CLEC2B: variants seen among roughly 807,000 people sequenced by gnomAD.
CLEC2B encodes the protein C-type lectin domain family 2 member B, also known as C-type (calcium dependent, carbohydrate-recognition domain) lectin, superfamily member 2 (activation-induced).
CLEC2B carries 14 observed loss-of-function variants against 16.2 expected under a neutral mutation model. The observed-to-expected ratio is 0.86, with a 90% CI of 0.57 to 1.35. The LOEUF (loss-of-function observed/expected upper bound fraction) is 1.35. Among genes scored for constraint, CLEC2B ranks in the 40% most tolerant of loss-of-function variants. CLEC2B has a pLI of 0.00. For synonymous variants in CLEC2B, 42 were observed against 55.8 expected (o/e 0.75, Z 1.10); for missense variants, 166 against 182.3 (o/e 0.91, Z 0.52).
chr12:9,858,504 G>A (rs186751519), intron 2 of CLEC2B, among the ~76,000 whole-genome samples: 36 of 152,044 alleles, frequency 2.4e-4, no homozygotes, highest in Admixed American at 1.0e-3. Context: ...AGAACCTTGA[G>A]GATGAGATAT....
At chr12:9,866,991 G>A (rs1045016219) in intron 1 of CLEC2B, 1 of 152,130 alleles carries the variant, frequency 6.6e-6, no homozygotes, top group East Asian at 1.9e-4. Flanking sequence ...ATACAGAGTT[G>A]GTAGATTTTA....
At chr12:9,865,176 C>T (rs1288531884) in intron 1 of CLEC2B, among the ~76,000 whole-genome samples, 3 of 57,274 alleles carry the variant, frequency 5.2e-5, no homozygotes, top group African/African-American at 2.0e-4. Flanking sequence ...AAGCAAGACT[C>T]TCTCAAAAAA....
At chr12:9,858,748 A>G (rs1451646204) in intron 2 of CLEC2B, among the ~76,000 whole-genome samples, 4 of 149,460 alleles carry the variant, frequency 2.7e-5, no homozygotes, top group African/African-American at 9.7e-5. Context: ...ATATACACAC[A>G]TATGTGTATA....
chr12:9,857,425 A>G lies in CLEC2B; in HGVS notation c.237+49T>C, dbSNP rs564364950. ...TTATAATGGTGTTTGAATATTTCTA[A>G]TGCTCCGACTCAAGAAAATTCACAA... On this transcript the variant is annotated intron_variant, in intron 3 of 4. Transcript: ENST00000228438. 5.8e-6 allele frequency: 8 copies of G among 1,370,814 alleles called. No individual in the cohort carries two copies. In the East Asian group the frequency reaches 1.6e-4, roughly 28 times the overall value. 84.9% of individuals were successfully genotyped at this position (1,370,814 alleles called of 1,614,324 possible).
At chr12:9,858,312 C>A (rs569186830) in intron 2 of CLEC2B, among the ~76,000 whole-genome samples, 1 of 152,126 alleles carries the variant, frequency 6.6e-6, no homozygotes, top group African/African-American at 2.4e-5. Context: ...TTATTAGTGA[C>A]CATTTCTCCT....
At chr12:9,857,436 CAAGAAAATTCACA>C in intron 3 of CLEC2B, 25 bp downstream of exon 3, 1 of 1,481,156 alleles carries the variant, frequency 6.8e-7, no homozygotes, top group Non-Finnish European at 9.4e-7. Context: ...TGCTCCGACT[CAAGAAAATTCACA>C]AAGAATGTAT....
Position 9,868,373 on chromosome 12 carries a change from C to T in CLEC2B, c.-3+832G>A, listed in dbSNP as rs11053489. On this transcript the variant is annotated intron_variant, in intron 1 of 4. Coordinates refer to ENST00000228438, the MANE Select transcript of CLEC2B (RefSeq NM_005127.3). ...CAGAATTATAAAACCGGTTAAAATACGGGAGGAAGGATAAAGTGTGCATTC... is the reference window on the plus strand; with the variant it reads ...CAGAATTATAAAACCGGTTAAAATATGGGAGGAAGGATAAAGTGTGCATTC... Among the ~76,000 whole-genome samples, 1,269 of 151,774 alleles carry T rather than the reference C, an allele frequency of 8.4e-3. 16 individuals carry two copies. Among genetic ancestry groups the T allele is most frequent in the African/African-American group, 0.028 (1,179 of 41,414 alleles).
intron 1 of CLEC2B, among the ~76,000 whole-genome samples, chr12:9,863,324 A>C (rs1010309362): frequency 6.6e-6 from 1 of 152,174 alleles, no homozygotes; most frequent in Non-Finnish European, 1.5e-5. Context: ...ATTACAAGGA[A>C]TATTTAAACA....
intron 1 of CLEC2B, 130 bp downstream of exon 1, chr12:9,869,075 G>A (rs1404198650): frequency 6.6e-6 from 1 of 152,058 alleles, no homozygotes; most frequent in Non-Finnish European, 1.5e-5. Flanking sequence ...TCTCAATCTT[G>A]TTATAAGAAG....
In CLEC2B at chr12:9,853,734, C is replaced by T. The variant is rs1016492033; in HGVS notation, c.342-326G>A. Among the ~76,000 whole-genome samples, 6 of 152,086 alleles carry T rather than the reference C, an allele frequency of 3.9e-5. No individual in the cohort carries two copies. In the South Asian group the frequency reaches 8.3e-4, roughly 21 times the overall value. ...TTTGGATTTTTTTTATTGTCTCAAG[C>T]GGAGGCAGAGGTGAGTAGGGTGGAT... On this transcript the variant is annotated intron_variant, in intron 4 of 4. Coordinates refer to ENST00000228438, the MANE Select transcript of CLEC2B (RefSeq NM_005127.3).
At chr12:9,860,681 A>C (rs1381892997) in intron 2 of CLEC2B, among the ~76,000 whole-genome samples, 1 of 151,910 alleles carries the variant, frequency 6.6e-6, no homozygotes, top group Non-Finnish European at 1.5e-5. Context: ...TAAAACTTTT[A>C]AAACATTTAA....
At chr12:9,868,303 A>G (rs1402766132) in intron 1 of CLEC2B, among the ~76,000 whole-genome samples, 1 of 152,060 alleles carries the variant, frequency 6.6e-6, no homozygotes, top group Non-Finnish European at 1.5e-5. Context: ...GCTACCATCA[A>G]ATATTGATCT....
chr12:9,868,406 C>T (rs1162284847), intron 1 of CLEC2B, among the ~76,000 whole-genome samples: 2 of 151,950 alleles, frequency 1.3e-5, no homozygotes, highest in African/African-American at 4.8e-5. Context: ...TTCTATTGTA[C>T]CACAGCAATA....
chr12:9,862,376 A>G, intron 2 of CLEC2B, 123 bp downstream of exon 2: 1 of 890,476 alleles, frequency 1.1e-6, no homozygotes. Flanking sequence ...ATTTGTACCA[A>G]TTAAATGTTA....
chr12:9,853,344 A>C lies in CLEC2B; in HGVS notation c.406T>G (p.Cys136Gly). 6.2e-7 allele frequency: 1 copy of C among 1,614,096 alleles called. No individual in the cohort carries two copies. Among genetic ancestry groups the C allele is most frequent in the Non-Finnish European group, 8.5e-7 (1 of 1,179,954 alleles). ...CAAATCCATTTTCTTTCGGTGTAAC[A>C]TCTAGCTGTTGCTGCACCATCATCG... ...LSDDGAATARCYTERKWICRK... is the reference protein window; with the variant it reads ...LSDDGAATARGYTERKWICRK... Residue 136 changes from cysteine (C) to glycine (G), a missense_variant, in exon 5 of 5, where the codon TGT (cysteine) becomes GGT (glycine). Transcript: ENST00000228438.
At position 9,853,336 on chromosome 12, in the gene CLEC2B, G is replaced by A. The variant is rs142115371; in HGVS notation, c.414C>T (p.Thr138=). ...TTTTCCTGCAAATCCATTTTCTTTC[G>A]GTGTAACATCTAGCTGTTGCTGCAC... ...DDGAATARCY[T]ERKWICRKRI... is the part of the protein sequence containing the mutation. The change falls in exon 5 of 5, where the codon ACC becomes ACT. Residue 138 remains threonine, a synonymous_variant. Coordinates refer to ENST00000228438, the MANE Select transcript of CLEC2B (RefSeq NM_005127.3). 4.7e-4 allele frequency: 757 copies of A among 1,613,540 alleles called. No homozygotes were observed. The highest frequency in any genetic ancestry group is 6.6e-4 in the South Asian group (60 of 91,038).
chr12:9,857,397 A>C (rs1867901556), intron 3 of CLEC2B, 77 bp downstream of exon 3: 2 of 1,121,380 alleles, frequency 1.8e-6, no homozygotes, highest in Non-Finnish European at 2.6e-6. Context: ...AAAGACTTCA[A>C]GATTATAATG....
intron 2 of CLEC2B, among the ~76,000 whole-genome samples, chr12:9,859,163 G>A (rs1403165673): frequency 6.6e-6 from 1 of 151,804 alleles, no homozygotes; most frequent in Non-Finnish European, 1.5e-5. Context: ...AAATTTATTG[G>A]CTTAAGATTA....
rs1019561546 is a variant in CLEC2B at position 9,857,405 on chromosome 12, A to G, written c.237+69T>C. ...TGAGTGAAAAGACTTCAAGATTATA[A>G]TGGTGTTTGAATATTTCTAATGCTC... On this transcript the variant is annotated intron_variant, in intron 3 of 4. Transcript: ENST00000228438. 3 of 1,169,726 alleles carry G rather than the reference A, an allele frequency of 2.6e-6. No homozygotes were observed. In the East Asian group the frequency reaches 7.3e-5, roughly 28 times the overall value. 72.5% of individuals were successfully genotyped at this position (1,169,726 alleles called of 1,614,324 possible).
Sources: allele counts gnomAD v4.1 joint callset (sites outside exome capture counted in the v4.1 genomes callset), GRCh38; gene constraint gnomAD v4.1.1; transcripts MANE v1.5; gene names NCBI Gene and HGNC (gene_info 2026-07-23, HGNC 2026-07-21).